GPC5: variants seen among roughly 807,000 people sequenced by gnomAD.
GPC5 encodes the protein glypican 5, also known as glypican-5.
In GPC5, 47 loss-of-function variants were observed where a neutral mutation model predicts 53.9. The observed-to-expected ratio is 0.87, with a 90% confidence interval of 0.69 to 1.11. GPC5 has a LOEUF of 1.11. Among genes scored for constraint, GPC5 ranks in the 50% most tolerant of loss-of-function variants. The pLI is 0.00. For synonymous variants in GPC5, 286 were observed against 263.3 expected (o/e 1.09, Z -0.84); for missense variants, 748 against 713.1 (o/e 1.05, Z -0.56).
intron 4 of GPC5, among the ~76,000 whole-genome samples, chr13:91,754,742 A>C (rs16946689): frequency 0.11 from 17,235 of 152,184 alleles, 1,126 homozygotes; most frequent in East Asian, 0.33. Flanking sequence ...TTCATGCATT[A>C]CAATTAGTAA....
intron 7 of GPC5, among the ~76,000 whole-genome samples, chr13:92,398,428 CAAAAAAAAAAAA>C (rs35873316): frequency 3.4e-5 from 3 of 87,656 alleles, no homozygotes; most frequent in African/African-American, 1.5e-4. Context: ...GACTCCGTCT[CAAAAAAAAAAAA>C]AAAAAAAAAA....
At chr13:92,009,425 TAAAG>T (rs1392284920) in intron 6 of GPC5, among the ~76,000 whole-genome samples, 2 of 152,080 alleles carry the variant, frequency 1.3e-5, no homozygotes, top group Non-Finnish European at 2.9e-5. Context: ...AGTTGTAAAA[TAAAG>T]GTGACAATGT....
chr13:92,670,266 G>A (rs1424170319), intron 7 of GPC5, among the ~76,000 whole-genome samples: 1 of 152,122 alleles, frequency 6.6e-6, no homozygotes, highest in Non-Finnish European at 1.5e-5. Context: ...GGATGCCAAG[G>A]AGACGAGGCT....
chr13:91,933,780 A>C (rs1370476650), intron 6 of GPC5, among the ~76,000 whole-genome samples: 1 of 151,960 alleles, frequency 6.6e-6, no homozygotes, highest in African/African-American at 2.4e-5. Flanking sequence ...TCCCATTGGA[A>C]TGTAAGTTCT....
chr13:91,401,405 A>T (rs955685720), intron 1 of GPC5, among the ~76,000 whole-genome samples: 10 of 152,104 alleles, frequency 6.6e-5, no homozygotes, highest in African/African-American at 2.4e-4. Flanking sequence ...ATTTAACATG[A>T]TTGAATATGG....
chr13:92,744,013 G>A (rs1279831500), intron 7 of GPC5, among the ~76,000 whole-genome samples: 1 of 152,058 alleles, frequency 6.6e-6, no homozygotes, highest in Admixed American at 6.6e-5. Context: ...GAGTAAAATG[G>A]TGGCAGCGGT....
chr13:91,976,041 T>C (rs1376369934), intron 6 of GPC5, among the ~76,000 whole-genome samples: 3 of 151,976 alleles, frequency 2.0e-5, no homozygotes, highest in African/African-American at 7.3e-5. Flanking sequence ...AAACACCGCA[T>C]GTTCTCACTC....
rs546920653 is a variant in GPC5 at position 92,075,004 on chromosome 13, C to T, written c.1402-69826C>T. ...TATTGTACTTTGGTTCACTTATTTG[C>T]GTTTAGTCCAGATCATGATTCTCAT... On this transcript the variant is annotated intron_variant, in intron 6 of 7. Transcript: ENST00000377067. Among the ~76,000 whole-genome samples, 27 of 152,136 alleles carry T rather than the reference C, an allele frequency of 1.8e-4. No individual in the cohort carries two copies. In the South Asian group the frequency reaches 1.9e-3, roughly 11 times the overall value.
intron 7 of GPC5, among the ~76,000 whole-genome samples, chr13:92,147,163 A>G (rs2041873654): frequency 1.3e-5 from 2 of 151,928 alleles, no homozygotes; most frequent in South Asian, 4.2e-4. Context: ...TGTGAGGTGA[A>G]AGAAAATGAA....
intron 1 of GPC5, among the ~76,000 whole-genome samples, chr13:91,423,064 G>T (rs1191088045): frequency 1.3e-5 from 2 of 152,162 alleles, no homozygotes; most frequent in Non-Finnish European, 2.9e-5. Context: ...AGACAAAACT[G>T]CACCATCTTG....
At chr13:91,587,066 C>A (rs547090906) in intron 2 of GPC5, among the ~76,000 whole-genome samples, 178 of 152,130 alleles carry the variant, frequency 1.2e-3, no homozygotes, top group South Asian at 2.1e-3. Flanking sequence ...ACTAGAAAAT[C>A]AGTTTTCAAG....
rs546959424 is a variant in GPC5, at chr13:92,549,135, T to C, written c.1562-317147T>C. Among the ~76,000 whole-genome samples the C allele has an allele frequency of 2.0e-5, 3 of 152,170 alleles. No homozygotes were observed. The South Asian group carries it at 6.2e-4, about 32-fold the overall frequency. On this transcript the variant is annotated intron_variant, in intron 7 of 7. Transcript: ENST00000377067. ...AATGAATAAATCAATCAGCTAACTA[T>C]AGGGACCTCTTTAAGTTGTGAGCTT... is the stretch of plus-strand genomic sequence containing the variant.
At chr13:92,526,363 A>G (rs1485365773) in intron 7 of GPC5, among the ~76,000 whole-genome samples, 6 of 152,106 alleles carry the variant, frequency 3.9e-5, no homozygotes, top group Admixed American at 2.6e-4. Flanking sequence ...CCTGGCACTC[A>G]CTAACTCCAT....
chr13:92,019,998 T>C (rs9560898), intron 6 of GPC5, among the ~76,000 whole-genome samples: 7,527 of 152,138 alleles, frequency 0.049, 397 homozygotes, highest in East Asian at 0.22. Flanking sequence ...GGTAGGGCTA[T>C]GTTTATTTCC....
At chr13:91,883,404 C>A (rs188015418) in intron 5 of GPC5, among the ~76,000 whole-genome samples, 1 of 152,240 alleles carries the variant, frequency 6.6e-6, no homozygotes, top group Admixed American at 6.5e-5. Flanking sequence ...TATTTTTTGA[C>A]GAGAAGAATA....
chr13:91,567,875 C>T (rs539751574), intron 2 of GPC5, among the ~76,000 whole-genome samples: 107 of 152,246 alleles, frequency 7.0e-4, no homozygotes, highest in African/African-American at 2.4e-3. Flanking sequence ...TTGTAATCCC[C>T]GCATGTGGCG....
At chr13:92,300,113 C>A (rs933850214) in intron 7 of GPC5, among the ~76,000 whole-genome samples, 6 of 152,094 alleles carry the variant, frequency 3.9e-5, no homozygotes, top group African/African-American at 1.4e-4. Flanking sequence ...TATTCTCTTC[C>A]GAACACAGGT....
intron 7 of GPC5, among the ~76,000 whole-genome samples, chr13:92,815,776 C>A (rs115509245): frequency 6.6e-6 from 1 of 151,822 alleles, no homozygotes; most frequent in East Asian, 1.9e-4. Flanking sequence ...ATACAATGCA[C>A]GGCAGATTGA....
At chr13:92,026,481 G>C (rs1268941572) in intron 6 of GPC5, among the ~76,000 whole-genome samples, 1 of 149,598 alleles carries the variant, frequency 6.7e-6, no homozygotes, top group East Asian at 2.0e-4. Flanking sequence ...GAGCTAAGCA[G>C]CAGGCCAAGA....
Sources: allele counts gnomAD v4.1 joint callset (sites outside exome capture counted in the v4.1 genomes callset), GRCh38; gene constraint gnomAD v4.1.1; transcripts MANE v1.5; gene names NCBI Gene and HGNC (gene_info 2026-07-23, HGNC 2026-07-21).